Variants in ADAMTS19 observed in about 807,000 individuals in gnomAD.
The protein encoded by ADAMTS19 is A disintegrin and metalloproteinase with thrombospondin motifs 19.
ADAMTS19 carries 93 observed loss-of-function variants against 153.3 expected under a neutral mutation model. The observed-to-expected ratio is 0.61, with a 90% confidence interval of 0.51 to 0.72. The LOEUF is 0.72. Among genes scored for constraint, ADAMTS19 ranks in the 30% least tolerant of loss-of-function variants. ADAMTS19 has a pLI of 0.00. For synonymous variants in ADAMTS19, 600 were observed against 556.6 expected, an observed-to-expected ratio of 1.08 and a Z score of -1.10; for missense variants, 1,482 against 1,552.1, an observed-to-expected ratio of 0.95 and a Z score of 0.76.
intron 8 of ADAMTS19, among the ~76,000 whole-genome samples, chr5:129,597,703 G>A (rs893757631): frequency 1.3e-5 from 2 of 151,848 alleles, no homozygotes; most frequent in African/African-American, 2.4e-5. Context: ...TCAAGAGATC[G>A]AGACCATCCT....
rs144822778 is a variant in ADAMTS19, at chr5:129,461,675, C to T, written c.665C>T (p.Pro222Leu). The T allele has an allele frequency of 3.4e-4, 540 of 1,580,796 alleles. No individual in the cohort carries two copies. The African/African-American group carries it at 6.7e-3, about 20-fold the overall frequency. ...TCCGCCCCGCAACCTCCCGCGCCAC[C>T]AGACGCAGGCTGCTTCTACACCGGA... ...AASAPQPPAP[P>L]DAGCFYTGAV... Residue 222 changes from proline to leucine, a missense_variant, in exon 2 of 23, where the codon CCA becomes CTA. Coordinates refer to ENST00000274487, the MANE Select transcript of ADAMTS19 (RefSeq NM_133638.6). This position sits in a 1 kb window ranked among gnomAD's most constrained non-coding sequence, Gnocchi z 4.6.
intron 13 of ADAMTS19, among the ~76,000 whole-genome samples, chr5:129,653,718 T>C (rs1370691176): frequency 6.6e-6 from 1 of 152,188 alleles, no homozygotes; most frequent in African/African-American, 2.4e-5. Context: ...AAATGTTTTT[T>C]ACAAATGCAA....
intron 15 of ADAMTS19, among the ~76,000 whole-genome samples, chr5:129,662,888 ATTTTTTTTTTTTT>A (rs3049499): frequency 1.1e-5 from 1 of 92,888 alleles, no homozygotes; most frequent in Non-Finnish European, 2.0e-5. Context: ...ATTCTTCTTC[ATTTTTTTTTTTTT>A]TTTTTTTTTT....
At chr5:129,736,728 G>A (rs1015530728) in intron 22 of ADAMTS19, among the ~76,000 whole-genome samples, 4 of 151,976 alleles carry the variant, frequency 2.6e-5, no homozygotes, top group African/African-American at 9.7e-5. Context: ...GATATATTGA[G>A]CACATTTATT....
intron 8 of ADAMTS19, among the ~76,000 whole-genome samples, chr5:129,614,915 A>T (rs917820139): frequency 6.6e-6 from 1 of 152,186 alleles, no homozygotes; most frequent in African/African-American, 2.4e-5. Context: ...GAGCCAAATC[A>T]TGAGTGAACT....
At chr5:129,696,004 G>T (rs78062719) in intron 19 of ADAMTS19, among the ~76,000 whole-genome samples, 6,731 of 152,212 alleles carry the variant, frequency 0.044, 450 homozygotes, top group African/African-American at 0.15. Context: ...ATGGGGGAGG[G>T]AAGAGGGAGA....
chr5:129,737,403 C>A lies in ADAMTS19; in HGVS notation c.*185C>A. 2.3e-6 allele frequency: 1 copy of A among 443,950 alleles called. No individual in the cohort carries two copies. The highest frequency in any genetic ancestry group is 7.7e-5 in the South Asian group (1 of 12,994). The allele number at this position is 443,950 out of a possible 1,614,324, so 27.5% of individuals were successfully genotyped here. ...GGTTACACAAACATTTTGATTTATACTATATGGCTTCATAAATAATTTTAT... is the reference window on the plus strand; with the variant it reads ...GGTTACACAAACATTTTGATTTATAATATATGGCTTCATAAATAATTTTAT... On this transcript the variant is annotated 3_prime_UTR_variant, in exon 23 of 23. Coordinates refer to ENST00000274487, the MANE Select transcript of ADAMTS19 (RefSeq NM_133638.6).
intron 10 of ADAMTS19, among the ~76,000 whole-genome samples, chr5:129,639,956 AT>A (rs1752719574): frequency 6.6e-6 from 1 of 152,128 alleles, no homozygotes; most frequent in Non-Finnish European, 1.5e-5. Flanking sequence ...CTCTTTGCCT[AT>A]TTTCAATAGT....
At chr5:129,542,153 A>G (rs1312367382) in intron 6 of ADAMTS19, among the ~76,000 whole-genome samples, 1 of 152,162 alleles carries the variant, frequency 6.6e-6, no homozygotes, top group East Asian at 1.9e-4. Flanking sequence ...AATCAAAGGA[A>G]GAACTGAAGA....
intron 21 of ADAMTS19, among the ~76,000 whole-genome samples, chr5:129,724,361 C>A (rs1757121192): frequency 6.6e-6 from 1 of 152,128 alleles, no homozygotes; most frequent in African/African-American, 2.4e-5. Context: ...TAATGCTGGT[C>A]AGCTATGCCT....
intron 10 of ADAMTS19, among the ~76,000 whole-genome samples, chr5:129,641,465 T>A (rs1011133794): frequency 6.6e-6 from 1 of 152,194 alleles, no homozygotes; most frequent in East Asian, 1.9e-4. Context: ...GGAATAGACC[T>A]TAGGGCAGCA....
chr5:129,509,377 A>G lies in ADAMTS19; in HGVS notation c.913+135A>G, dbSNP rs965559948. On this transcript the variant is annotated intron_variant, in intron 3 of 22. Coordinates refer to ENST00000274487, the MANE Select transcript of ADAMTS19 (RefSeq NM_133638.6). The stretch of plus-strand genomic sequence containing the variant: ...CTTTTAATTAGTAACAATTAAATGT[A>G]TCAATTATAGGATTATCTTTTAGTT... 4.8e-6 allele frequency: 4 copies of G among 827,336 alleles called. No individual in the cohort carries two copies. The African/African-American group carries it at 5.2e-5, about 11-fold the overall frequency. 51.2% of individuals were successfully genotyped at this position (827,336 alleles called of 1,614,324 possible).
chr5:129,691,417 TTC>T (rs942907643), intron 18 of ADAMTS19, among the ~76,000 whole-genome samples: 5 of 152,200 alleles, frequency 3.3e-5, no homozygotes, highest in Non-Finnish European at 5.9e-5. Context: ...TTTCATCACT[TTC>T]TGTTTGTCCC....
chr5:129,510,979 A>G (rs949861877), intron 3 of ADAMTS19, among the ~76,000 whole-genome samples: 3 of 151,606 alleles, frequency 2.0e-5, no homozygotes, highest in African/African-American at 7.3e-5. Context: ...TACTGAGCTT[A>G]CCTATTTTCA....
intron 2 of ADAMTS19, among the ~76,000 whole-genome samples, chr5:129,487,829 A>G (rs1315222166): frequency 6.6e-6 from 1 of 152,118 alleles, no homozygotes; most frequent in African/African-American, 2.4e-5. Flanking sequence ...AGCAAAACAT[A>G]TGTCTTCAAT....
intron 8 of ADAMTS19, among the ~76,000 whole-genome samples, chr5:129,615,167 A>G (rs1238842117): frequency 2.6e-5 from 4 of 152,108 alleles, no homozygotes; most frequent in Non-Finnish European, 5.9e-5. Context: ...GACTTTCTTC[A>G]CAGAATTGGA....
At chr5:129,516,298 T>C (rs1471286485) in intron 3 of ADAMTS19, among the ~76,000 whole-genome samples, 1 of 148,548 alleles carries the variant, frequency 6.7e-6, no homozygotes, top group African/African-American at 2.5e-5. Flanking sequence ...TGTATCAGGG[T>C]AATACTGGCT....
At chr5:129,733,094 T>G (rs533058468) in intron 21 of ADAMTS19, among the ~76,000 whole-genome samples, 1 of 151,800 alleles carries the variant, frequency 6.6e-6, no homozygotes, top group Non-Finnish European at 1.5e-5. Context: ...GCTGGAAAAA[T>G]TGGATAGCCA....
chr5:129,517,876 C>T (rs1484457323), intron 3 of ADAMTS19, among the ~76,000 whole-genome samples: 1 of 151,770 alleles, frequency 6.6e-6, no homozygotes, highest in Non-Finnish European at 1.5e-5. Context: ...TGTTTCTTTT[C>T]TTCCTGTATT....
Sources: gnomAD v4.1 joint callset for allele counts (sites outside exome capture counted in the v4.1 genomes callset) on GRCh38, gnomAD v4.1.1 for gene constraint, Gnocchi (gnomAD v3.1) non-coding constraint, MANE v1.5 for transcripts, NCBI Gene and HGNC (gene_info 2026-07-23, HGNC 2026-07-21) for gene names.